The following PHYHIP variants were observed in gnomAD, a reference collection of about 807,000 sequenced individuals.
PHYHIP encodes the protein phytanoyl-CoA hydroxylase-interacting protein.
In PHYHIP, 7 loss-of-function variants were observed where a neutral mutation model predicts 26.1. The ratio of observed to expected loss-of-function variants is 0.27; its 90% CI spans 0.15 to 0.50. The LOEUF is 0.50. Ranked by LOEUF, PHYHIP falls within the 20% of genes least tolerant of loss-of-function variation. The probability of loss-of-function intolerance (pLI) is 0.98; values close to 1 mark genes in which losing one functional copy is unlikely to be tolerated. For missense variants in PHYHIP, 232 were observed against 454.7 expected (o/e 0.51, Z 4.45); for synonymous variants, 206 against 183.4 (o/e 1.12, Z -1.00).
rs372640612 is a variant in PHYHIP, at chr8:22,221,644, G to A, written c.702C>T (p.Tyr234=). 142 of 1,613,144 alleles carry A rather than the reference G, an allele frequency of 8.8e-5. 1 individual carries two copies. Among genetic ancestry groups the A allele is most frequent in the East Asian group, 3.3e-4 (15 of 44,868 alleles). The change falls in exon 5 of 5, where the codon TAC becomes TAT. Residue 234 remains tyrosine (Y), a synonymous_variant. Coordinates refer to ENST00000454243, the MANE Select transcript of PHYHIP (RefSeq NM_014759.5). The surrounding 1 kb of genome is among the most constrained non-coding windows in gnomAD (Gnocchi z 7.9). ...DFYCMYTAYH[Y]AILVLAPKGS... ...CTTTGGGCGCCAGCACCAGGATGGC[G>A]TAGTGGTAGGCCGTGTACATGCAGT...
chr8:22,227,151 A>G, intron 2 of PHYHIP, 126 bp from the exon 3 acceptor site: 1 of 815,112 alleles, frequency 1.2e-6, no homozygotes, highest in Non-Finnish European at 1.9e-6. Context: ...AATCTTGAGG[A>G]TCCAATGGCT....
chr8:22,227,829 C>A, intron 2 of PHYHIP: 1 of 418,438 alleles, frequency 2.4e-6, no homozygotes, highest in Non-Finnish European at 4.7e-6. Flanking sequence ...AGACTTGAGA[C>A]GTCATCCCCA....
chr8:22,223,195 T>G (rs1027196864), intron 4 of PHYHIP, among the ~76,000 whole-genome samples: 1 of 151,700 alleles, frequency 6.6e-6, no homozygotes, highest in Admixed American at 6.6e-5. Context: ...AAACCCCACT[T>G]CATTAAAAAT....
chr8:22,223,291 G>A (rs1386366108), intron 4 of PHYHIP, among the ~76,000 whole-genome samples: 1 of 151,112 alleles, frequency 6.6e-6, no homozygotes, highest in Non-Finnish European at 1.5e-5. Context: ...TAACCCAGAA[G>A]GCAGAGGTTG....
chr8:22,221,654 G>A lies in PHYHIP; in HGVS notation c.692C>T (p.Ala231Val). 6.2e-7 allele frequency: 1 copy of A among 1,613,104 alleles called. No homozygotes were observed. Among genetic ancestry groups the A allele is most frequent in the Non-Finnish European group, 8.5e-7 (1 of 1,179,640 alleles). The part of the protein sequence containing the change: ...YFADFYCMYT[A>V]YHYAILVLAP... ...CAGCACCAGGATGGCGTAGTGGTAG[G>A]CCGTGTACATGCAGTAGAAGTCCGC... Residue 231 changes from alanine (A) to valine (V), a missense_variant, in exon 5 of 5, where the codon GCC becomes GTC. Ala to Val is a moderately conservative substitution (Grantham distance 64). Transcript: ENST00000454243. The surrounding 1 kb of genome is among the most constrained non-coding windows in gnomAD (Gnocchi z 7.9).
intron 1 of PHYHIP, 27 bp from the exon 2 acceptor site, chr8:22,228,413 A>T: frequency 1.4e-6 from 2 of 1,391,170 alleles, no homozygotes; most frequent in Non-Finnish European, 2.0e-6. Context: ...GGGTCAGTAC[A>T]TCCCTTGACC....
intron 3 of PHYHIP, among the ~76,000 whole-genome samples, chr8:22,225,678 G>A (rs4872425): frequency 0.062 from 9,386 of 150,520 alleles, 365 homozygotes; most frequent in Admixed American, 0.095. Context: ...GGTGGTGGGC[G>A]TCTGTAATCC....
intron 1 of PHYHIP, among the ~76,000 whole-genome samples, chr8:22,230,530 G>T (rs557532233): frequency 6.6e-6 from 1 of 152,082 alleles, no homozygotes; most frequent in Admixed American, 6.5e-5. Flanking sequence ...ACACCCAGAA[G>T]ACTGGGGAAG....
chr8:22,228,403 G>A lies in PHYHIP; in HGVS notation c.-29-17C>T, dbSNP rs763935435. On this transcript the variant is annotated splice_polypyrimidine_tract_variant and intron_variant, in intron 1 of 4. Transcript: ENST00000454243. ...CTGTGGGGACTGAGGAGGAGGGAAA[G>A]GGTCAGTACATCCCTTGACCCCGGC... 1.1e-4 allele frequency: 157 copies of A among 1,475,278 alleles called. No homozygotes were observed. Among genetic ancestry groups the A allele is most frequent in the Non-Finnish European group, 1.3e-4 (142 of 1,077,904 alleles). The allele number at this position is 1,475,278 out of a possible 1,614,324, so 91.4% of individuals were successfully genotyped here.
rs1586485559 is a variant in PHYHIP at position 22,221,269 on chromosome 8, A to C, written c.*84T>G. 1 of 1,300,586 alleles carries C rather than the reference A, an allele frequency of 7.7e-7. No homozygotes were observed. Among genetic ancestry groups the C allele is most frequent in the African/African-American group, 1.5e-5 (1 of 67,748 alleles). The allele number at this position is 1,300,586 out of a possible 1,614,324, so 80.6% of individuals were successfully genotyped here. A position where few individuals can be genotyped will look rare whatever the true frequency, so the allele number is the denominator to read the frequency against. ...AGTGGAGGGAGCAGGGGGGCAGGAG[A>C]GAGAAAGCCAGCTCCCTGAACCTGG... On this transcript the variant is annotated 3_prime_UTR_variant, in exon 5 of 5. Coordinates refer to ENST00000454243, the MANE Select transcript of PHYHIP (RefSeq NM_014759.5). The surrounding 1 kb of genome is among the most constrained non-coding windows in gnomAD (Gnocchi z 7.9).
chr8:22,230,954 C>G (rs1244404019), intron 1 of PHYHIP, among the ~76,000 whole-genome samples: 1 of 152,224 alleles, frequency 6.6e-6, no homozygotes, highest in East Asian at 1.9e-4. Flanking sequence ...ACGCAACCCA[C>G]ACGCCTGCCG....
chr8:22,227,629 A>G (rs1183143875), intron 2 of PHYHIP: 1 of 456,330 alleles, frequency 2.2e-6, no homozygotes, highest in East Asian at 7.0e-5. Context: ...CTGGCTTTTA[A>G]CCCCAGGAAA....
chr8:22,231,870 C>A lies in PHYHIP; in HGVS notation c.-104G>T, dbSNP rs7830106. The A allele has an allele frequency of 0.062, 9,373 of 152,372 alleles. 353 individuals carry two copies. The highest frequency in any genetic ancestry group is 0.09 in the Admixed American group (1,382 of 15,306). 9.4% of individuals were successfully genotyped at this position (152,372 alleles called of 1,614,324 possible). ...GAGACCTCTGCGTGGATGAGCTCCC[C>A]GGCAGGGGACAGCAGCCGGACGCCT... On this transcript the variant is annotated 5_prime_UTR_variant, in exon 1 of 5. Transcript: ENST00000454243.
At chr8:22,231,004 C>T (rs906697602) in intron 1 of PHYHIP, among the ~76,000 whole-genome samples, 1 of 152,196 alleles carries the variant, frequency 6.6e-6, no homozygotes, top group Non-Finnish European at 1.5e-5. Flanking sequence ...AGCCCCCGCC[C>T]GAAGTCTGGT....
intron 1 of PHYHIP, among the ~76,000 whole-genome samples, chr8:22,230,707 T>C (rs76361343): frequency 0.012 from 1,778 of 152,102 alleles, 47 homozygotes; most frequent in African/African-American, 0.039. Flanking sequence ...CCTCCGCAGA[T>C]GTCCTCACTC....
At chr8:22,224,934 A>G (rs1006998237) in intron 3 of PHYHIP, among the ~76,000 whole-genome samples, 2 of 152,188 alleles carry the variant, frequency 1.3e-5, no homozygotes, top group South Asian at 2.1e-4. Flanking sequence ...GGATAGCAAC[A>G]TTGAACCCTG....
At chr8:22,222,145 T>C (rs1829643501) in intron 4 of PHYHIP, among the ~76,000 whole-genome samples, 1 of 152,018 alleles carries the variant, frequency 6.6e-6, no homozygotes, top group African/African-American at 2.4e-5. Flanking sequence ...AACCCTTTGA[T>C]GGGGTGTGTG....
At chr8:22,229,296 G>C (rs1463211073) in intron 1 of PHYHIP, among the ~76,000 whole-genome samples, 1 of 152,186 alleles carries the variant, frequency 6.6e-6, no homozygotes. Context: ...CATGTGTGGG[G>C]GTGGAGGGGC....
chr8:22,228,484 C>T, intron 1 of PHYHIP, 98 bp from the exon 2 acceptor site: 1 of 656,706 alleles, frequency 1.5e-6, no homozygotes, highest in South Asian at 1.9e-5. Context: ...ACCTCAAGGA[C>T]CCCTGGAATC....
Sources: gnomAD v4.1 joint callset for allele counts (sites outside exome capture counted in the v4.1 genomes callset) on GRCh38, gnomAD v4.1.1 for gene constraint, Gnocchi (gnomAD v3.1) non-coding constraint, MANE v1.5 for transcripts, NCBI Gene and HGNC (gene_info 2026-07-23, HGNC 2026-07-21) for gene names.